The following PCDHGA1 variants were observed in gnomAD, a reference collection of about 807,000 sequenced individuals.
The protein encoded by PCDHGA1 is protocadherin gamma subfamily A, 1.
PCDHGA1 carries 32 observed loss-of-function variants against 58.0 expected under a neutral mutation model. That is an observed-to-expected ratio of 0.55 (90% confidence interval 0.42 to 0.74). PCDHGA1 has a LOEUF of 0.74. PCDHGA1 is among the 30% of genes least tolerant of loss of function. PCDHGA1 has a pLI of 0.00. For synonymous variants in PCDHGA1, 498 were observed against 501.1 expected (o/e 0.99, Z 0.08); for missense variants, 1,205 against 1,182.3 (o/e 1.02, Z -0.28).
At chr5:141,352,480 C>A (rs973074211) in intron 1 of PCDHGA1, 3 of 1,614,012 alleles carry the variant, frequency 1.9e-6, no homozygotes, top group Non-Finnish European at 2.5e-6. Context: ...CCAACCACAG[C>A]GAGGGGACTT....
At chr5:141,460,616 T>C (rs905095529) in intron 1 of PCDHGA1, among the ~76,000 whole-genome samples, 8 of 152,114 alleles carry the variant, frequency 5.3e-5, no homozygotes, top group Non-Finnish European at 7.4e-5. Context: ...GATGGATAGA[T>C]AGACAGATAC....
chr5:141,439,012 A>G (rs968054607), intron 1 of PCDHGA1, among the ~76,000 whole-genome samples: 4 of 151,916 alleles, frequency 2.6e-5, no homozygotes, highest in South Asian at 2.1e-4. Context: ...TTTGTTTGTC[A>G]AATTTTGAAA....
chr5:141,443,848 G>A lies in PCDHGA1; in HGVS notation c.2422-50959G>A, dbSNP rs528933391. 2.6e-5 allele frequency among the ~76,000 whole-genome samples: 4 copies of A among 152,272 alleles called. No individual in the cohort carries two copies. The South Asian group carries it at 8.3e-4, about 32-fold the overall frequency. ...TTAGGTAAAATGGGTAATATGGAAA[G>A]TCTGAAAACTGAAAAAATTACTGAT... On this transcript the variant is annotated intron_variant, in intron 1 of 3. Transcript: ENST00000517417.
rs772807357 is a variant in PCDHGA1, at chr5:141,431,758, C to G, written c.2422-63049C>G. On this transcript the variant is annotated intron_variant, in intron 1 of 3. Transcript: ENST00000517417. This position sits in a 1 kb window ranked among gnomAD's most constrained non-coding sequence, Gnocchi z 4.8. ...CAGGATATTCTGCGCGAGCCAAAGTCCTGATCACTGTTCTGGACGTGAACG... is the reference window on the plus strand; with the variant it reads ...CAGGATATTCTGCGCGAGCCAAAGTGCTGATCACTGTTCTGGACGTGAACG... 2.0e-5 allele frequency: 32 copies of G among 1,614,054 alleles called. No individual in the cohort carries two copies. The highest frequency in any genetic ancestry group is 2.6e-5 in the Non-Finnish European group (31 of 1,180,028).
Position 141,454,796 on chromosome 5 carries a change from A to ATTT in PCDHGA1, c.2422-39984_2422-39982dup, listed in dbSNP as rs61612330. 3.3e-3 allele frequency among the ~76,000 whole-genome samples: 253 copies of ATTT among 77,450 alleles called. 31 individuals carry two copies. The highest frequency in any genetic ancestry group is 0.02 in the South Asian group (39 of 1,960). The allele number at this position is 77,450 out of a possible 152,430, so 50.8% of individuals were successfully genotyped here. ...AAGGAAATAATCCTCCATGGTTCTA[A>ATTT]TTTTTTTTTTTTTTTTTTTTTTTTT... On this transcript the variant is annotated intron_variant, in intron 1 of 3. Coordinates refer to ENST00000517417, the MANE Select transcript of PCDHGA1 (RefSeq NM_018912.3).
Position 141,331,941 on chromosome 5 carries a change from C to T in PCDHGA1, c.1257C>T (p.Asn419=). The part of the protein sequence containing the change: ...TLDRELISGY[N]ITITAIDQGT... ...ACAGAGAACTTATCTCTGGGTACAACATCACAATAACAGCAATAGACCAAG... is the reference window on the plus strand; with the variant it reads ...ACAGAGAACTTATCTCTGGGTACAATATCACAATAACAGCAATAGACCAAG... Residue 419 remains asparagine (N), a synonymous_variant, in exon 1 of 4, where the codon AAC becomes AAT. Coordinates refer to ENST00000517417, the MANE Select transcript of PCDHGA1 (RefSeq NM_018912.3). 6.2e-7 allele frequency: 1 copy of T among 1,614,142 alleles called. No individual in the cohort carries two copies. Among genetic ancestry groups the T allele is most frequent in the Non-Finnish European group, 8.5e-7 (1 of 1,180,022 alleles).
intron 1 of PCDHGA1, chr5:141,352,069 C>T (rs1469927143): frequency 6.2e-7 from 1 of 1,605,522 alleles, no homozygotes; most frequent in Non-Finnish European, 8.5e-7. Context: ...TGTCCTACCA[C>T]GTGCTGCAGG....
intron 1 of PCDHGA1, among the ~76,000 whole-genome samples, chr5:141,448,855 G>A (rs2098611434): frequency 6.6e-6 from 1 of 152,172 alleles, no homozygotes. Context: ...TGAGGCAGGA[G>A]AATGGCGTGA....
At chr5:141,374,350 G>A in intron 1 of PCDHGA1, 1 of 1,614,038 alleles carries the variant, frequency 6.2e-7, no homozygotes, top group Non-Finnish European at 8.5e-7. Flanking sequence ...CCGCGGGTAG[G>A]ATAGACCGCG....
chr5:141,339,964 G>A, intron 1 of PCDHGA1: 2 of 1,614,110 alleles, frequency 1.2e-6, no homozygotes, highest in African/African-American at 1.3e-5. Context: ...TAACCAGAGC[G>A]AAGGTTATCG....
At chr5:141,388,062 G>A (rs1237358865) in intron 1 of PCDHGA1, 1 of 1,380,416 alleles carries the variant, frequency 7.2e-7, no homozygotes, top group African/African-American at 1.5e-5. Flanking sequence ...CAGCGTCCAG[G>A]AGTTACCGAC....
chr5:141,356,122 G>T (rs1760114897), intron 1 of PCDHGA1: 2 of 1,613,886 alleles, frequency 1.2e-6, no homozygotes, highest in Non-Finnish European at 1.7e-6. Flanking sequence ...GGGGGGTCTA[G>T]ATTATGAGGA....
rs752316565 is a variant in PCDHGA1 at position 141,487,235 on chromosome 5, C to T, written c.2422-7572C>T. On this transcript the variant is annotated intron_variant, in intron 1 of 3. Coordinates refer to ENST00000517417, the MANE Select transcript of PCDHGA1 (RefSeq NM_018912.3). This position sits in a 1 kb window ranked among gnomAD's most constrained non-coding sequence, Gnocchi z 5.0. The stretch of plus-strand genomic sequence containing the variant: ...TTCAGCTCCAAGGGAAGGAGAATCT[C>T]GTCTAACCCTCTACTTGGCTGTGTC... The T allele has an allele frequency of 2.5e-6, 4 of 1,614,126 alleles. No individual in the cohort carries two copies. Among genetic ancestry groups the T allele is most frequent in the Non-Finnish European group, 3.4e-6 (4 of 1,179,994 alleles).
At chr5:141,408,969 C>G (rs1005367761) in intron 1 of PCDHGA1, 1 of 1,613,594 alleles carries the variant, frequency 6.2e-7, no homozygotes, top group African/African-American at 1.3e-5. Flanking sequence ...GAAAATCTGC[C>G]CCCTGGGTCC....
chr5:141,491,956 A>G lies in PCDHGA1; in HGVS notation c.2422-2851A>G, dbSNP rs2099735623. 1.9e-6 allele frequency: 2 copies of G among 1,035,704 alleles called. No homozygotes were observed. Among genetic ancestry groups the G allele is most frequent in the Non-Finnish European group, 2.7e-6 (2 of 749,368 alleles). The allele number at this position is 1,035,704 out of a possible 1,614,324, so 64.2% of individuals were successfully genotyped here. A position where few individuals can be genotyped will look rare whatever the true frequency, so the allele number is the denominator to read the frequency against. On this transcript the variant is annotated intron_variant, in intron 1 of 3. Transcript: ENST00000517417. This position sits in a 1 kb window ranked among gnomAD's most constrained non-coding sequence, Gnocchi z 6.9. Reference sequence around the variant, plus strand: ...GGACCGACCCCCACCCCTACACTCAAAAAAGGCCGGGGCCTCCTTCGAGCT... The same window carrying G: ...GGACCGACCCCCACCCCTACACTCAGAAAAGGCCGGGGCCTCCTTCGAGCT...
At chr5:141,494,156 C>T (rs566096073) in intron 1 of PCDHGA1, among the ~76,000 whole-genome samples, 22 of 152,316 alleles carry the variant, frequency 1.4e-4, no homozygotes, top group African/African-American at 4.3e-4. Context: ...TTGTCTGGCA[C>T]GGAGTTCTAG....
At chr5:141,350,331 G>C in intron 1 of PCDHGA1, 1 of 1,537,716 alleles carries the variant, frequency 6.5e-7, no homozygotes, top group Non-Finnish European at 8.7e-7. Context: ...TCTTTGTTCT[G>C]CGGGGCCATC....
chr5:141,489,660 G>A lies in PCDHGA1; in HGVS notation c.2422-5147G>A, dbSNP rs763985085. 3 of 1,614,096 alleles carry A rather than the reference G, an allele frequency of 1.9e-6. No individual in the cohort carries two copies. Among genetic ancestry groups the A allele is most frequent in the Non-Finnish European group, 2.5e-6 (3 of 1,180,036 alleles). On this transcript the variant is annotated intron_variant, in intron 1 of 3. Coordinates refer to ENST00000517417, the MANE Select transcript of PCDHGA1 (RefSeq NM_018912.3). The surrounding 1 kb of genome is among the most constrained non-coding windows in gnomAD (Gnocchi z 4.5). Reference sequence around the variant, plus strand: ...GCTTTGCCACCCCTGAGCGAGAGATGCGCATCTCAGAATCAGCAGCATCTG... The same window carrying A: ...GCTTTGCCACCCCTGAGCGAGAGATACGCATCTCAGAATCAGCAGCATCTG...
intron 1 of PCDHGA1, chr5:141,422,952 C>A (rs759618535): frequency 6.2e-7 from 1 of 1,614,254 alleles, no homozygotes; most frequent in Non-Finnish European, 8.5e-7. Context: ...GCTCCACTGG[C>A]GTGGAGCTGG....
Sources: gnomAD v4.1 joint callset for allele counts (sites outside exome capture counted in the v4.1 genomes callset) on GRCh38, gnomAD v4.1.1 for gene constraint, Gnocchi (gnomAD v3.1) non-coding constraint, MANE v1.5 for transcripts, NCBI Gene and HGNC (gene_info 2026-07-23, HGNC 2026-07-21) for gene names.